The following NHSL1 variants were observed in gnomAD, a reference collection of about 807,000 sequenced individuals.
NHSL1 encodes NHS-like protein 1.
In NHSL1, 48 loss-of-function variants were observed where a neutral mutation model predicts 95.0. The ratio of observed to expected loss-of-function variants is 0.51; its 90% CI spans 0.40 to 0.64. The LOEUF (loss-of-function observed/expected upper bound fraction) is 0.64. Among genes scored for constraint, NHSL1 ranks in the 30% least tolerant of loss-of-function variants. The probability of loss-of-function intolerance (pLI) is 0.00; values close to 1 mark genes in which losing one functional copy is unlikely to be tolerated. For missense variants in NHSL1, 1,971 were observed against 2,077.7 expected (o/e 0.95, Z 1.00); for synonymous variants, 783 against 833.9 (o/e 0.94, Z 1.05).
chr6:138,522,199 G>T (rs1322082601), intron 1 of NHSL1, among the ~76,000 whole-genome samples: 2 of 152,098 alleles, frequency 1.3e-5, no homozygotes, highest in Non-Finnish European at 2.9e-5. Flanking sequence ...ATTAAATTTT[G>T]CTCTGAAGAT....
intron 1 of NHSL1, among the ~76,000 whole-genome samples, chr6:138,674,956 G>C (rs1187996164): frequency 6.6e-6 from 1 of 151,760 alleles, no homozygotes; most frequent in African/African-American, 2.4e-5. Context: ...GCTTAGGTGA[G>C]AGGATGGCTT....
At chr6:138,516,836 T>C (rs1027417293) in intron 1 of NHSL1, among the ~76,000 whole-genome samples, 4 of 152,122 alleles carry the variant, frequency 2.6e-5, no homozygotes, top group African/African-American at 9.7e-5. Flanking sequence ...GGTTTCACCA[T>C]GTTGCCCAGG....
At chr6:138,429,966 G>T in intron 6 of NHSL1, 123 bp from the exon 7 acceptor site, 1 of 955,870 alleles carries the variant, frequency 1.0e-6, no homozygotes, top group Non-Finnish European at 1.5e-6. Flanking sequence ...GGGAGATGCC[G>T]TGGGTCTGTA....
intron 1 of NHSL1, among the ~76,000 whole-genome samples, chr6:138,609,089 T>A (rs181047175): frequency 6.6e-6 from 1 of 152,278 alleles, no homozygotes; most frequent in East Asian, 1.9e-4. Context: ...CCCCAAAGAT[T>A]AAGAAATGCT....
At chr6:138,584,361 T>A (rs1236897832) in intron 1 of NHSL1, among the ~76,000 whole-genome samples, 3 of 152,232 alleles carry the variant, frequency 2.0e-5, no homozygotes, top group Admixed American at 6.5e-5. Context: ...TTCACTCTTT[T>A]AAAACTTAAA....
intron 3 of NHSL1, among the ~76,000 whole-genome samples, chr6:138,465,054 CAAAAA>C (rs35195031): frequency 4.0e-5 from 4 of 100,984 alleles, no homozygotes; most frequent in African/African-American, 1.3e-4. Context: ...TGTATGCCTT[CAAAAA>C]AAAAAAAAAA....
intron 4 of NHSL1, among the ~76,000 whole-genome samples, chr6:138,446,429 A>G (rs1184669698): frequency 6.6e-6 from 1 of 152,232 alleles, no homozygotes; most frequent in Non-Finnish European, 1.5e-5. Flanking sequence ...ACAAATGATT[A>G]CAGGCTGAGT....
At position 138,653,438 on chromosome 6, in the gene NHSL1, C is replaced by A. The variant is rs140463864; in HGVS notation, c.96+39038G>T. 4.7e-3 allele frequency among the ~76,000 whole-genome samples: 717 copies of A among 152,174 alleles called. 12 individuals carry two copies. The South Asian group carries it at 0.053, about 11-fold the overall frequency. ...GCGTAGTGGCATGTGCCTGTAATCC[C>A]AGATATGCGGGAGGCTGAGGCAGGA... On this transcript the variant is annotated intron_variant, in intron 1 of 3. Coordinates refer to the NHSL1 transcript ENST00000491526.
intron 2 of NHSL1, among the ~76,000 whole-genome samples, chr6:138,489,731 T>C (rs112624272): frequency 0.13 from 16,457 of 127,680 alleles, 1,311 homozygotes; most frequent in African/African-American, 0.23. Context: ...TGCTGCACTC[T>C]AGCCTGGGCA....
intron 1 of NHSL1, among the ~76,000 whole-genome samples, chr6:138,616,530 C>T (rs1784580367): frequency 6.7e-6 from 1 of 148,568 alleles, no homozygotes; most frequent in Non-Finnish European, 1.5e-5. Flanking sequence ...CAGGCAGAGA[C>T]AGAGAGAGAG....
At chr6:138,636,022 C>A (rs965673490) in intron 1 of NHSL1, among the ~76,000 whole-genome samples, 3 of 148,728 alleles carry the variant, frequency 2.0e-5, no homozygotes, top group African/African-American at 7.5e-5. Flanking sequence ...ACTCAGGAGG[C>A]TGAGGCAGAA....
chr6:138,639,928 C>A lies in NHSL1; in HGVS notation c.96+52548G>T, dbSNP rs1242187746. ...CAAAATGCAGCTTTTCTCCACAATG[C>A]TGTATTTTATCATAAATACCTGATA... is the stretch of plus-strand genomic sequence containing the variant. On this transcript the variant is annotated intron_variant, in intron 1 of 3. Coordinates refer to the NHSL1 transcript ENST00000491526. Among the ~76,000 whole-genome samples, 3 of 138,980 alleles carry A rather than the reference C, an allele frequency of 2.2e-5. No individual in the cohort carries two copies. The South Asian group carries it at 7.0e-4, about 33-fold the overall frequency. The allele number at this position is 138,980 out of a possible 152,430, so 91.2% of individuals were successfully genotyped here.
At chr6:138,573,961 C>T (rs894301769), upstream of NHSL1, among the ~76,000 whole-genome samples, 4 of 152,016 alleles carry the variant, frequency 2.6e-5, no homozygotes, top group Non-Finnish European at 5.9e-5. Flanking sequence ...TTTTTTGAGA[C>T]AGAGTCTCAC....
intron 1 of NHSL1, among the ~76,000 whole-genome samples, chr6:138,595,399 T>A (rs1488980952): frequency 6.6e-6 from 1 of 151,964 alleles, no homozygotes; most frequent in Non-Finnish European, 1.5e-5. Flanking sequence ...CATAACGAGA[T>A]CTTGTCTCTG....
At chr6:138,446,927 C>T (rs905222810) in intron 4 of NHSL1, 74 bp downstream of exon 4, 14 of 1,374,316 alleles carry the variant, frequency 1.0e-5, no homozygotes, top group African/African-American at 1.4e-5. Flanking sequence ...CAATGAAATG[C>T]TAACAGCATA....
At chr6:138,497,394 A>G (rs1405529849) in intron 1 of NHSL1, among the ~76,000 whole-genome samples, 1 of 152,232 alleles carries the variant, frequency 6.6e-6, no homozygotes, top group African/African-American at 2.4e-5. Flanking sequence ...TAAAGCCAGC[A>G]GATACTTGAA....
At chr6:138,626,669 G>T (rs973532536) in intron 1 of NHSL1, among the ~76,000 whole-genome samples, 3 of 71,370 alleles carry the variant, frequency 4.2e-5, no homozygotes, top group African/African-American at 1.5e-4. Flanking sequence ...CGAGGCGGGC[G>T]GATCACGAGG....
chr6:138,499,621 T>G, upstream of NHSL1: 1 of 233,690 alleles, frequency 4.3e-6, no homozygotes, highest in Non-Finnish European at 8.5e-6. Flanking sequence ...TCTGCCTCAG[T>G]GCCCATTCAT....
chr6:138,689,820 G>A (rs1785637779), intron 1 of NHSL1, among the ~76,000 whole-genome samples: 1 of 149,120 alleles, frequency 6.7e-6, no homozygotes, highest in African/African-American at 2.5e-5. Context: ...GCTAATTTTT[G>A]TATTTTTGGT....
Sources: gnomAD v4.1 joint callset for allele counts (sites outside exome capture counted in the v4.1 genomes callset) on GRCh38, gnomAD v4.1.1 for gene constraint, MANE v1.5 for transcripts, NCBI Gene and HGNC (gene_info 2026-07-23, HGNC 2026-07-21) for gene names.